ABHD13: variants seen among roughly 807,000 people sequenced by gnomAD.
The protein encoded by ABHD13 is abhydrolase domain containing 13, also known as protein ABHD13.
A neutral mutation model predicts 25.2 loss-of-function variants in ABHD13; 7 were observed. The observed-to-expected ratio is 0.28, with a 90% CI of 0.16 to 0.52. The LOEUF is 0.52. Ranked by LOEUF, ABHD13 falls within the 20% of genes least tolerant of loss-of-function variation. The pLI is 0.96. For missense variants in ABHD13, 302 were observed against 402.7 expected (o/e 0.75, Z 2.14); for synonymous variants, 133 against 136.1 (o/e 0.98, Z 0.16).
intron 1 of ABHD13, among the ~76,000 whole-genome samples, 181 bp downstream of exon 1, chr13:108,218,840 G>A (rs773930348): frequency 3.3e-5 from 5 of 151,994 alleles, no homozygotes; most frequent in Non-Finnish European, 5.9e-5. Context: ...CGAGCGCCGG[G>A]GGTTGTGGAG....
chr13:108,227,112 T>TC (rs1394638473), intron 1 of ABHD13, among the ~76,000 whole-genome samples: 1 of 152,134 alleles, frequency 6.6e-6, no homozygotes, highest in Non-Finnish European at 1.5e-5. Context: ...TTATGATTGT[T>TC]TATCACAAAA....
intron 1 of ABHD13, among the ~76,000 whole-genome samples, chr13:108,226,546 C>A (rs2139012036): frequency 6.6e-6 from 1 of 152,194 alleles, no homozygotes. Flanking sequence ...AAGGAGAGGT[C>A]ATTTTTTATC....
At position 108,230,755 on chromosome 13, in the gene ABHD13, A is replaced by G. The variant is rs1036909645; in HGVS notation, c.*523A>G. On this transcript the variant is annotated 3_prime_UTR_variant, in exon 2 of 2. Coordinates refer to ENST00000375898, the MANE Select transcript of ABHD13 (RefSeq NM_032859.3). ...TAGCACTGGTCATATACTGATGTAT[A>G]TGGTTATCTGGGTTATATCTATTTT... is the stretch of plus-strand genomic sequence containing the variant. 2 of 166,782 alleles carry G rather than the reference A, an allele frequency of 1.2e-5. No individual in the cohort carries two copies. Among genetic ancestry groups the G allele is most frequent in the South Asian group, 2.1e-4 (1 of 4,834 alleles). The allele number at this position is 166,782 out of a possible 1,614,324, so 10.3% of individuals were successfully genotyped here. A position where few individuals can be genotyped will look rare whatever the true frequency, so the allele number is the denominator to read the frequency against.
rs989524227 is a variant in ABHD13, at chr13:108,232,266, C to A, written c.*2034C>A. 1 of 166,772 alleles carries A rather than the reference C, an allele frequency of 6.0e-6. No homozygotes were observed. Among genetic ancestry groups the A allele is most frequent in the Non-Finnish European group, 1.5e-5 (1 of 67,982 alleles). The allele number at this position is 166,772 out of a possible 1,614,324, so 10.3% of individuals were successfully genotyped here. A position where few individuals can be genotyped will look rare whatever the true frequency, so the allele number is the denominator to read the frequency against. On this transcript the variant is annotated 3_prime_UTR_variant, in exon 2 of 2. Transcript: ENST00000375898. Reference sequence around the variant, plus strand: ...CTTTTTGATACTCCAGGTTTATAAACTATCTTTTAAAATTTTAAGCCAGGA... The same window carrying A: ...CTTTTTGATACTCCAGGTTTATAAAATATCTTTTAAAATTTTAAGCCAGGA...
At chr13:108,221,803 A>T (rs573999687) in intron 1 of ABHD13, among the ~76,000 whole-genome samples, 1 of 152,186 alleles carries the variant, frequency 6.6e-6, no homozygotes, top group South Asian at 2.1e-4. Context: ...CTGGTGGCAG[A>T]ATCCGTAACT....
Position 108,229,892 on chromosome 13 carries a change from T to C in ABHD13, c.674T>C (p.Met225Thr), listed in dbSNP as rs867657981. The C allele has an allele frequency of 3.7e-6, 6 of 1,613,380 alleles. No homozygotes were observed. The Middle Eastern group carries it at 5.0e-4, about 133-fold the overall frequency. ...AACACATTTTTAAGCATACCACATA[T>C]GGCCAGCACTTTATTTTCATTCTTT... Reference protein sequence around the residue: ...VENTFLSIPHMASTLFSFFPM... With the variant: ...VENTFLSIPHTASTLFSFFPM... Residue 225 changes from methionine to threonine, a missense_variant, in exon 2 of 2, where the codon ATG (methionine) becomes ACG (threonine). Physicochemically the swap from Met to Thr is moderately conservative, Grantham distance 81. Transcript: ENST00000375898. This position sits in a 1 kb window ranked among gnomAD's most constrained non-coding sequence, Gnocchi z 4.7.
intron 1 of ABHD13, among the ~76,000 whole-genome samples, chr13:108,220,166 C>T (rs1879530617): frequency 6.6e-6 from 1 of 152,170 alleles, no homozygotes; most frequent in African/African-American, 2.4e-5. Flanking sequence ...TCTTAACAGA[C>T]CATGACTCAA....
Position 108,231,975 on chromosome 13 carries a change from T to G in ABHD13, c.*1743T>G, listed in dbSNP as rs1879814402. ...GTATAAATTCACCACAATTAAAGATTATTCTTGTCAGTCCTTGCTATGTAG... is the reference window on the plus strand; with the variant it reads ...GTATAAATTCACCACAATTAAAGATGATTCTTGTCAGTCCTTGCTATGTAG... On this transcript the variant is annotated 3_prime_UTR_variant, in exon 2 of 2. Transcript: ENST00000375898. 6.0e-6 allele frequency: 1 copy of G among 166,910 alleles called. No homozygotes were observed. Among genetic ancestry groups the G allele is most frequent in the African/African-American group, 2.4e-5 (1 of 41,440 alleles). The allele number at this position is 166,910 out of a possible 1,614,324, so 10.3% of individuals were successfully genotyped here. A position where few individuals can be genotyped will look rare whatever the true frequency, so the allele number is the denominator to read the frequency against.
At chr13:108,219,898 G>A (rs1227056215) in intron 1 of ABHD13, among the ~76,000 whole-genome samples, 2 of 152,112 alleles carry the variant, frequency 1.3e-5, no homozygotes, top group Non-Finnish European at 2.9e-5. Flanking sequence ...TACTTCCTGT[G>A]TTCAGATACG....
intron 1 of ABHD13, among the ~76,000 whole-genome samples, chr13:108,222,752 AAGTT>A (rs1879594485): frequency 6.6e-6 from 1 of 152,242 alleles, no homozygotes; most frequent in Non-Finnish European, 1.5e-5. Flanking sequence ...TAGCAGTAGT[AAGTT>A]CATTACATAC....
intron 1 of ABHD13, among the ~76,000 whole-genome samples, chr13:108,221,800 C>T (rs1194404452): frequency 6.6e-6 from 1 of 151,640 alleles, no homozygotes; most frequent in African/African-American, 2.4e-5. Context: ...TTGCTGGTGG[C>T]AGAATCCGTA....
intron 1 of ABHD13, among the ~76,000 whole-genome samples, chr13:108,224,672 C>G (rs1175332666): frequency 6.6e-6 from 1 of 152,128 alleles, no homozygotes; most frequent in Non-Finnish European, 1.5e-5. Context: ...GGTCTGAGAG[C>G]TTTACAGTTC....
rs770729785 is a variant in ABHD13, at chr13:108,230,233, T to A, written c.*1T>A. 1.8e-5 allele frequency: 29 copies of A among 1,568,162 alleles called. No homozygotes were observed. Among genetic ancestry groups the A allele is most frequent in the Non-Finnish European group, 2.3e-5 (27 of 1,158,462 alleles). On this transcript the variant is annotated 3_prime_UTR_variant, in exon 2 of 2. Transcript: ENST00000375898. Reference sequence around the variant, plus strand: ...TTCATCTAATGTAACAATTATATAATGTTTCCCTTTTTGATTATTGCATTG... The same window carrying A: ...TTCATCTAATGTAACAATTATATAAAGTTTCCCTTTTTGATTATTGCATTG...
chr13:108,224,887 A>G (rs1282105836), intron 1 of ABHD13, among the ~76,000 whole-genome samples: 1 of 152,176 alleles, frequency 6.6e-6, no homozygotes, highest in Admixed American at 6.5e-5. Context: ...ATACTGCAAA[A>G]CCATTCTTGT....
At position 108,229,620 on chromosome 13, in the gene ABHD13, A is replaced by G; in HGVS notation, c.402A>G (p.Ala134=). 5.0e-6 allele frequency: 8 copies of G among 1,613,346 alleles called. No homozygotes were observed. Among genetic ancestry groups the G allele is most frequent in the Non-Finnish European group, 6.8e-6 (8 of 1,179,580 alleles). ...AGNIGHRLPN[A]LLMLVNLKVN... Reference sequence around the variant, plus strand: ...ACATAGGTCACAGGTTGCCAAATGCATTACTTATGTTGGTTAACCTCAAAG... The same window carrying G: ...ACATAGGTCACAGGTTGCCAAATGCGTTACTTATGTTGGTTAACCTCAAAG... The change falls in exon 2 of 2, where the codon GCA becomes GCG. Residue 134 remains alanine (A), a synonymous_variant. Transcript: ENST00000375898. This position sits in a 1 kb window ranked among gnomAD's most constrained non-coding sequence, Gnocchi z 4.7.
intron 1 of ABHD13, among the ~76,000 whole-genome samples, chr13:108,219,810 T>TA (rs1283272454): frequency 6.6e-6 from 1 of 152,180 alleles, no homozygotes; most frequent in Non-Finnish European, 1.5e-5. Flanking sequence ...CAGGAGGGAA[T>TA]AGGGGTCCAA....
chr13:108,229,117 A>C lies in ABHD13; in HGVS notation c.-20-82A>C. 7.6e-6 allele frequency: 8 copies of C among 1,052,164 alleles called. No individual in the cohort carries two copies. The highest frequency in any genetic ancestry group is 1.1e-5 in the Non-Finnish European group (8 of 732,034). The allele number at this position is 1,052,164 out of a possible 1,614,324, so 65.2% of individuals were successfully genotyped here. A position where few individuals can be genotyped will look rare whatever the true frequency, so the allele number is the denominator to read the frequency against. On this transcript the variant is annotated intron_variant, in intron 1 of 1. Transcript: ENST00000375898. This position sits in a 1 kb window ranked among gnomAD's most constrained non-coding sequence, Gnocchi z 4.7. Reference sequence around the variant, plus strand: ...CATATTTAACAATTACATGTGGCCTAGTACCATAGTTTATTATATTGTGGA... The same window carrying C: ...CATATTTAACAATTACATGTGGCCTCGTACCATAGTTTATTATATTGTGGA...
chr13:108,220,143 A>G (rs984849670), intron 1 of ABHD13, among the ~76,000 whole-genome samples: 2 of 152,212 alleles, frequency 1.3e-5, no homozygotes, highest in Non-Finnish European at 2.9e-5. Context: ...TGAGTTGGCA[A>G]AAGCTACCTA....
chr13:108,226,838 A>G (rs972588500), intron 1 of ABHD13, among the ~76,000 whole-genome samples: 2 of 152,118 alleles, frequency 1.3e-5, no homozygotes, highest in African/African-American at 4.8e-5. Flanking sequence ...CACCTTTGAG[A>G]TGGAAATATA....
Sources: gnomAD v4.1 joint callset for allele counts (sites outside exome capture counted in the v4.1 genomes callset) on GRCh38, gnomAD v4.1.1 for gene constraint, Gnocchi (gnomAD v3.1) non-coding constraint, MANE v1.5 for transcripts, NCBI Gene and HGNC (gene_info 2026-07-23, HGNC 2026-07-21) for gene names.